Variants in UBAP2 observed in about 807,000 individuals in gnomAD.
UBAP2 encodes ubiquitin associated protein 2, also known as ubiquitin-associated protein 2.
Under a neutral mutation model 139.6 loss-of-function variants are expected in UBAP2, and 75 were observed. The ratio of observed to expected loss-of-function variants is 0.54; its 90% confidence interval spans 0.45 to 0.65. UBAP2 has a LOEUF of 0.65. Ranked by LOEUF, UBAP2 falls within the 30% of genes least tolerant of loss-of-function variation. The pLI is 0.00. For synonymous variants in UBAP2, 526 were observed against 526.2 expected, an observed-to-expected ratio of 1.00 and a Z score of 0.01; for missense variants, 1,368 against 1,369.6, an observed-to-expected ratio of 1.00 and a Z score of 0.02.
intron 9 of UBAP2, among the ~76,000 whole-genome samples, chr9:33,963,498 C>T (rs1827227171): frequency 6.6e-6 from 1 of 152,076 alleles, no homozygotes; most frequent in African/African-American, 2.4e-5. Flanking sequence ...ATGTTAAGGC[C>T]ACTTAGGAAC....
At chr9:34,040,641 CATG>C (rs903129468) in intron 1 of UBAP2, among the ~76,000 whole-genome samples, 14 of 152,120 alleles carry the variant, frequency 9.2e-5, no homozygotes, top group African/African-American at 3.1e-4. Context: ...ATGTGGCGTT[CATG>C]AAAGATATAT....
intron 4 of UBAP2, among the ~76,000 whole-genome samples, chr9:33,992,881 C>CT (rs1366954984): frequency 9.2e-5 from 14 of 152,136 alleles, no homozygotes; most frequent in African/African-American, 3.1e-4. Flanking sequence ...TGAAGAAACT[C>CT]TAAGAGGAGA....
chr9:33,971,771 A>G lies in UBAP2; in HGVS notation c.576-17T>C. 2 of 1,490,850 alleles carry G rather than the reference A, an allele frequency of 1.3e-6. No individual in the cohort carries two copies. Among genetic ancestry groups the G allele is most frequent in the African/African-American group, 2.7e-5 (2 of 72,772 alleles). The allele number at this position is 1,490,850 out of a possible 1,614,324, so 92.4% of individuals were successfully genotyped here. On this transcript the variant is annotated splice_polypyrimidine_tract_variant and intron_variant, in intron 7 of 28. Transcript: ENST00000379238. ...TTAAATGTCCTGGGGTTTGAAATAA[A>G]GAAATAATAAAGGCAAAAGAAGCAA...
intron 6 of UBAP2, among the ~76,000 whole-genome samples, chr9:33,979,360 G>A (rs1193766056): frequency 6.6e-6 from 1 of 152,158 alleles, no homozygotes; most frequent in African/African-American, 2.4e-5. Flanking sequence ...CAAAAGAAGA[G>A]TAATTTAAAT....
intron 5 of UBAP2, among the ~76,000 whole-genome samples, chr9:33,988,735 A>G (rs929266525): frequency 6.6e-6 from 1 of 152,226 alleles, no homozygotes; most frequent in African/African-American, 2.4e-5. Context: ...GAAACTACTC[A>G]GGTGCCACTC....
intron 9 of UBAP2, 42 bp downstream of exon 9, chr9:33,963,684 A>G: frequency 3.3e-6 from 4 of 1,218,684 alleles, no homozygotes; most frequent in Non-Finnish European, 4.7e-6. Context: ...AGCAATTTAT[A>G]AGATTCTTAA....
chr9:33,977,347 T>A (rs1306170424), intron 6 of UBAP2, among the ~76,000 whole-genome samples: 1 of 152,050 alleles, frequency 6.6e-6, no homozygotes, highest in South Asian at 2.1e-4. Flanking sequence ...AAACAAAAAA[T>A]TTTTAAAAAT....
chr9:33,979,815 C>A (rs558886866), intron 6 of UBAP2, among the ~76,000 whole-genome samples: 1 of 152,168 alleles, frequency 6.6e-6, no homozygotes, highest in East Asian at 1.9e-4. Context: ...TTGCAGTGAG[C>A]CGAGATTGCA....
chr9:33,996,035 C>T (rs1401054215), intron 4 of UBAP2, 188 bp downstream of exon 4: 8 of 504,306 alleles, frequency 1.6e-5, no homozygotes, highest in South Asian at 1.1e-4. Flanking sequence ...TCAGATTCTA[C>T]GACTTCATGA....
At chr9:33,949,736 C>G (rs142686968) in intron 12 of UBAP2, among the ~76,000 whole-genome samples, 2 of 152,116 alleles carry the variant, frequency 1.3e-5, no homozygotes, top group Admixed American at 6.5e-5. Flanking sequence ...CGCGCACACA[C>G]GCACAAGATC....
chr9:33,927,190 A>G, intron 20 of UBAP2, 110 bp from the exon 21 acceptor site: 1 of 783,580 alleles, frequency 1.3e-6, no homozygotes, highest in Non-Finnish European at 2.0e-6. Context: ...ATGGGTTCAA[A>G]GAAGGGCAGT....
intron 1 of UBAP2, among the ~76,000 whole-genome samples, chr9:34,023,287 G>T (rs1825122411): frequency 6.6e-6 from 1 of 151,678 alleles, no homozygotes; most frequent in African/African-American, 2.4e-5. Flanking sequence ...CCATACAGGA[G>T]TGCCATCTGG....
At chr9:33,988,691 A>G (rs1821416853) in intron 5 of UBAP2, among the ~76,000 whole-genome samples, 1 of 152,254 alleles carries the variant, frequency 6.6e-6, no homozygotes, top group Admixed American at 6.5e-5. Context: ...AGCCCAGGTC[A>G]ATGCTGATAC....
rs1363310950 is a variant in UBAP2, at chr9:34,016,356, A to AGCGGCGGCG, written c.99+693_99+694insCGCCGCCGC. On this transcript the variant is annotated intron_variant, in intron 2 of 28. Coordinates refer to ENST00000379238, the MANE Select transcript of UBAP2 (RefSeq NM_001370062.2). ...AGGAGGAGGAAGAGGAGGAGGCAGCAGCGGCGGCAGCGGCGGTGGTGGTGG... is the reference window on the plus strand; with the variant it reads ...AGGAGGAGGAAGAGGAGGAGGCAGCAGCGGCGGCGGCGGCGGCAGCGGCGGTGGTGGTGG... 1.4e-3 allele frequency among the ~76,000 whole-genome samples: 28 copies of AGCGGCGGCG among 20,022 alleles called. 1 individual carries two copies. The highest frequency in any genetic ancestry group is 6.6e-3 in the African/African-American group (28 of 4,272). 13.1% of individuals were successfully genotyped at this position (20,022 alleles called of 152,430 possible).
rs543012345 is a variant in UBAP2, at chr9:34,048,663, C to T, written c.-42+162G>A. Among the ~76,000 whole-genome samples, 86 of 152,230 alleles carry T rather than the reference C, an allele frequency of 5.6e-4. 1 individual carries two copies. The highest frequency in any genetic ancestry group is 2.0e-3 in the African/African-American group (83 of 41,550). On this transcript the variant is annotated intron_variant, in intron 1 of 28. Transcript: ENST00000379238. ...AGCCCGGGCCTGGACGTAGAGGGAC[C>T]GTGGACCTGGCGAGTGAAGCTCGGC...
At chr9:33,988,765 A>G (rs909248597) in intron 5 of UBAP2, among the ~76,000 whole-genome samples, 3 of 152,276 alleles carry the variant, frequency 2.0e-5, no homozygotes, top group African/African-American at 7.2e-5. Context: ...GTTAACTATT[A>G]GAACAAATTC....
intron 6 of UBAP2, among the ~76,000 whole-genome samples, chr9:33,973,686 C>A (rs529797800): frequency 6.6e-6 from 1 of 152,268 alleles, no homozygotes; most frequent in East Asian, 1.9e-4. Flanking sequence ...TGAGAACAAG[C>A]AAGCAAGAAG....
chr9:34,043,530 T>C (rs1827278538), intron 1 of UBAP2, among the ~76,000 whole-genome samples: 1 of 151,746 alleles, frequency 6.6e-6, no homozygotes, highest in Non-Finnish European at 1.5e-5. Flanking sequence ...TTTATGGAGA[T>C]AGGGTCTCAC....
intron 1 of UBAP2, among the ~76,000 whole-genome samples, chr9:34,039,122 G>T (rs1379781442): frequency 6.6e-6 from 1 of 151,606 alleles, no homozygotes; most frequent in Non-Finnish European, 1.5e-5. Flanking sequence ...GTCTCCGCCC[G>T]GCAGCCGGCC....
Sources: gnomAD v4.1 joint callset for allele counts (sites outside exome capture counted in the v4.1 genomes callset) on GRCh38, gnomAD v4.1.1 for gene constraint, MANE v1.5 for transcripts, NCBI Gene and HGNC (gene_info 2026-07-23, HGNC 2026-07-21) for gene names.